The following PLCXD2 variants were observed in gnomAD, a reference collection of about 807,000 sequenced individuals.
PLCXD2 encodes PI-PLC X domain-containing protein 2.
Under a neutral mutation model 28.6 loss-of-function variants are expected in PLCXD2, and 21 were observed. That is an observed-to-expected ratio of 0.73 (90% CI 0.52 to 1.06). PLCXD2 has a LOEUF of 1.06. PLCXD2 is among the 50% of genes least tolerant of loss of function. The pLI, the probability that PLCXD2 is intolerant of heterozygous loss-of-function variation, is 0.00. For synonymous variants in PLCXD2, 140 were observed against 150.1 expected (o/e 0.93, Z 0.49); for missense variants, 369 against 376.7 (o/e 0.98, Z 0.17).
intron 3 of PLCXD2, chr3:111,722,947 G>A (rs996359623): frequency 1.3e-5 from 2 of 152,106 alleles, no homozygotes; most frequent in Non-Finnish European, 2.9e-5. Flanking sequence ...CTCCCCAAAG[G>A]GTTTTCTGGG....
At chr3:111,724,231 C>CA (rs1324405776) in intron 3 of PLCXD2, 1 of 151,646 alleles carries the variant, frequency 6.6e-6, no homozygotes, top group South Asian at 2.1e-4. Flanking sequence ...AGAGTCATGC[C>CA]AAAAAAGTTT....
chr3:111,713,450 C>T (rs1345820808), intron 2 of PLCXD2, among the ~76,000 whole-genome samples: 2 of 152,340 alleles, frequency 1.3e-5, no homozygotes, highest in South Asian at 2.1e-4. Context: ...TTATCCCTAA[C>T]TCACAGTTAT....
Position 111,714,138 on chromosome 3 carries a change from T to C in PLCXD2, c.866+10T>C. The C allele has an allele frequency of 6.2e-7, 1 of 1,611,030 alleles. No individual in the cohort carries two copies. ...ACACGCTGGTTCATAGGTAAGAATT[T>C]GCTTCCACCCCACAAGGAAAGCTTT... On this transcript the variant is annotated intron_variant, in intron 3 of 4. Transcript: ENST00000477665.
chr3:111,675,553 G>A (rs1940608812), intron 1 of PLCXD2, 145 bp downstream of exon 1: 6 of 887,068 alleles, frequency 6.8e-6, no homozygotes, highest in Non-Finnish European at 1.1e-5. Context: ...TAACACTGAA[G>A]CAGCTGCTTT....
chr3:111,705,158 C>T (rs900710921), intron 1 of PLCXD2, among the ~76,000 whole-genome samples: 12 of 152,146 alleles, frequency 7.9e-5, no homozygotes, highest in Non-Finnish European at 1.5e-4. Context: ...CTCTATCCTA[C>T]CTGCTCTGCC....
chr3:111,720,962 C>A, intron 3 of PLCXD2: 1 of 412,792 alleles, frequency 2.4e-6, no homozygotes, highest in Admixed American at 4.4e-5. Context: ...AGGATGGCCC[C>A]TGGGGCAGTG....
At chr3:111,684,201 G>A (rs1232802351) in intron 1 of PLCXD2, among the ~76,000 whole-genome samples, 1 of 151,562 alleles carries the variant, frequency 6.6e-6, no homozygotes, top group Non-Finnish European at 1.5e-5. Flanking sequence ...ATGGTGGCAT[G>A]CACCTGTAGT....
intron 1 of PLCXD2, among the ~76,000 whole-genome samples, chr3:111,691,833 G>T (rs1940882546): frequency 6.6e-6 from 1 of 152,170 alleles, no homozygotes; most frequent in Admixed American, 6.5e-5. Flanking sequence ...TAAAATGCAG[G>T]TAATCACTGC....
intron 2 of PLCXD2, among the ~76,000 whole-genome samples, chr3:111,713,226 G>A (rs768120319): frequency 2.4e-4 from 36 of 152,204 alleles, no homozygotes; most frequent in Non-Finnish European, 4.4e-4. Flanking sequence ...TTCCCCAGAG[G>A]GATATGAGGG....
At position 111,678,497 on chromosome 3, in the gene PLCXD2, A is replaced by G. The variant is rs764686607; in HGVS notation, c.163+3089A>G. On this transcript the variant is annotated intron_variant, in intron 1 of 4. Coordinates refer to ENST00000477665, the MANE Select transcript of PLCXD2 (RefSeq NM_001185106.1). ...TCTCTATAATGTATACTGCTTTTCAATGAATTTTTTCTCTGTACATTTTAA... is the reference window on the plus strand; with the variant it reads ...TCTCTATAATGTATACTGCTTTTCAGTGAATTTTTTCTCTGTACATTTTAA... 3.3e-4 allele frequency among the ~76,000 whole-genome samples: 51 copies of G among 152,354 alleles called. 1 individual carries two copies. Among genetic ancestry groups the G allele is most frequent in the Admixed American group, 2.5e-3 (38 of 15,302 alleles).
At chr3:111,707,887 C>T (rs1437279755) in intron 1 of PLCXD2, 39 bp from the exon 2 acceptor site, 18 of 1,536,450 alleles carry the variant, frequency 1.2e-5, no homozygotes, top group Middle Eastern at 1.7e-4. Flanking sequence ...TCCCAGCTCC[C>T]GTCTCATCTG....
chr3:111,708,179 C>G lies in PLCXD2; in HGVS notation c.417C>G (p.Val139=). The G allele has an allele frequency of 6.2e-7, 1 of 1,614,200 alleles. No individual in the cohort carries two copies. The highest frequency in any genetic ancestry group is 8.5e-7 in the Non-Finnish European group (1 of 1,180,038). ...TCCATGGGCTTTTTGGCATCAAGGTCTGGGATGGGCTGATGGAAATTGACT... is the reference window on the plus strand; with the variant it reads ...TCCATGGGCTTTTTGGCATCAAGGTGTGGGATGGGCTGATGGAAATTGACT... The change falls in exon 2 of 5, where the codon GTC becomes GTG. Residue 139 remains valine, a synonymous_variant. Transcript: ENST00000477665.
intron 1 of PLCXD2, among the ~76,000 whole-genome samples, chr3:111,693,989 T>C (rs1048132739): frequency 6.6e-5 from 10 of 152,254 alleles, no homozygotes; most frequent in African/African-American, 2.4e-4. Flanking sequence ...AGCTTAATAA[T>C]AGGCTACCCC....
rs149401316 is a variant in PLCXD2, at chr3:111,719,031, G to A, written c.866+4903G>A. 7.8e-3 allele frequency among the ~76,000 whole-genome samples: 1,189 copies of A among 152,200 alleles called. 9 individuals carry two copies. Among genetic ancestry groups the A allele is most frequent in the Middle Eastern group, 0.014 (4 of 294 alleles). ...TATTAAGAAGCCACACTTAGTGATCGAATAACTGTATATCCATATGAAAAA... is the reference window on the plus strand; with the variant it reads ...TATTAAGAAGCCACACTTAGTGATCAAATAACTGTATATCCATATGAAAAA... On this transcript the variant is annotated intron_variant, in intron 3 of 4. Transcript: ENST00000477665.
At chr3:111,679,987 TCAA>T (rs1406181866) in intron 1 of PLCXD2, among the ~76,000 whole-genome samples, 2 of 152,178 alleles carry the variant, frequency 1.3e-5, no homozygotes, top group African/African-American at 4.8e-5. Flanking sequence ...CTTGGCAGGG[TCAA>T]CCCTTCCACA....
intron 1 of PLCXD2, chr3:111,676,959 A>T (rs1940632645): frequency 6.6e-6 from 1 of 152,250 alleles, no homozygotes; most frequent in Non-Finnish European, 1.5e-5. Flanking sequence ...TGACCCCGTG[A>T]CTGTAGAAAG....
At chr3:111,717,388 G>T (rs907176360) in intron 3 of PLCXD2, among the ~76,000 whole-genome samples, 1 of 152,120 alleles carries the variant, frequency 6.6e-6, no homozygotes, top group African/African-American at 2.4e-5. Flanking sequence ...GTTGCCTCAC[G>T]GGCCTGTCAG....
chr3:111,676,301 A>G (rs1201946168), intron 1 of PLCXD2, among the ~76,000 whole-genome samples: 1 of 152,222 alleles, frequency 6.6e-6, no homozygotes, highest in African/African-American at 2.4e-5. Context: ...ACTCGGAGAC[A>G]TAACAATTGA....
chr3:111,718,491 T>TGATAGATAGATAGATA (rs531765923), intron 3 of PLCXD2, among the ~76,000 whole-genome samples: 1 of 137,228 alleles, frequency 7.3e-6, no homozygotes, highest in African/African-American at 2.7e-5. Flanking sequence ...GATGGATAGA[T>TGATAGATAGATAGATA]GATAGATAGA....
Sources: allele counts gnomAD v4.1 joint callset (sites outside exome capture counted in the v4.1 genomes callset), GRCh38; gene constraint gnomAD v4.1.1; transcripts MANE v1.5; gene names NCBI Gene and HGNC (gene_info 2026-07-23, HGNC 2026-07-21).